The following GOLGA4 variants were observed in gnomAD, a reference collection of about 807,000 sequenced individuals.
GOLGA4 encodes golgin subfamily A member 4.
GOLGA4 carries 169 observed loss-of-function variants against 265.9 expected under a neutral mutation model. That is an observed-to-expected ratio of 0.64 (90% CI 0.56 to 0.72). The LOEUF (loss-of-function observed/expected upper bound fraction) is 0.72. GOLGA4 is among the 30% of genes least tolerant of loss of function. The pLI is 0.00. For synonymous variants in GOLGA4, 923 were observed against 855.8 expected (o/e 1.08, Z -1.37); for missense variants, 2,482 against 2,483.4 (o/e 1.00, Z 0.01).
chr3:37,336,049 T>G (rs2097010922), intron 17 of GOLGA4, among the ~76,000 whole-genome samples: 1 of 152,196 alleles, frequency 6.6e-6, no homozygotes, highest in African/African-American at 2.4e-5. Flanking sequence ...ACACCACCAG[T>G]TACATGGATG....
At position 37,299,171 on chromosome 3, in the gene GOLGA4, C is replaced by T. The variant is rs2096886444; in HGVS notation, c.1003-117C>T. The T allele has an allele frequency of 4.4e-6, 4 of 912,068 alleles. No individual in the cohort carries two copies. The South Asian group carries it at 6.5e-5, about 15-fold the overall frequency. The allele number at this position is 912,068 out of a possible 1,614,324, so 56.5% of individuals were successfully genotyped here. A position where few individuals can be genotyped will look rare whatever the true frequency, so the allele number is the denominator to read the frequency against. On this transcript the variant is annotated intron_variant, in intron 8 of 23. Coordinates refer to ENST00000361924, the MANE Select transcript of GOLGA4 (RefSeq NM_002078.5). The stretch of plus-strand genomic sequence containing the variant: ...ACATAACACCAAACCTTGAGACTTA[C>T]TGTGTACTTTTTTCCTTCTGCACTG...
intron 21 of GOLGA4, among the ~76,000 whole-genome samples, chr3:37,349,160 T>C (rs2097065738): frequency 1.3e-5 from 2 of 152,202 alleles, no homozygotes; most frequent in African/African-American, 4.8e-5. Context: ...GTATTTACTT[T>C]TAAGTTGCTG....
chr3:37,256,362 C>G (rs1346318800), intron 2 of GOLGA4, among the ~76,000 whole-genome samples: 2 of 151,910 alleles, frequency 1.3e-5, no homozygotes, highest in Admixed American at 1.3e-4. Context: ...CCCAGCTATT[C>G]AGGAGGCTAA....
intron 10 of GOLGA4, among the ~76,000 whole-genome samples, chr3:37,312,984 C>T (rs889782589): frequency 6.6e-6 from 1 of 152,216 alleles, no homozygotes; most frequent in African/African-American, 2.4e-5. Flanking sequence ...CGCGACGGAT[C>T]ACGAGGTCAG....
chr3:37,268,685 C>T (rs573986124), intron 2 of GOLGA4, among the ~76,000 whole-genome samples: 85 of 152,276 alleles, frequency 5.6e-4, no homozygotes, highest in African/African-American at 1.8e-3. Context: ...GATCCGCCCA[C>T]TTCAGCCTCC....
At chr3:37,349,038 C>T (rs2097065139) in intron 21 of GOLGA4, among the ~76,000 whole-genome samples, 1 of 152,134 alleles carries the variant, frequency 6.6e-6, no homozygotes, top group African/African-American at 2.4e-5. Flanking sequence ...AGGAGTAGTG[C>T]TCTCTCTCCT....
At chr3:37,251,913 C>A (rs2096735006) in intron 2 of GOLGA4, among the ~76,000 whole-genome samples, 1 of 152,140 alleles carries the variant, frequency 6.6e-6, no homozygotes, top group Admixed American at 6.6e-5. Flanking sequence ...AACTCCTGGG[C>A]TCAAGTGATT....
Position 37,258,102 on chromosome 3 carries a change from GTA to G in GOLGA4, c.162+6628_162+6629del, listed in dbSNP as rs544179876. 2.7e-4 allele frequency among the ~76,000 whole-genome samples: 35 copies of G among 131,176 alleles called. 2 individuals carry two copies. Among genetic ancestry groups the G allele is most frequent in the Middle Eastern group, 4.1e-3 (1 of 246 alleles). 86.1% of individuals were successfully genotyped at this position (131,176 alleles called of 152,430 possible). A position where few individuals can be genotyped will look rare whatever the true frequency, so the allele number is the denominator to read the frequency against. On this transcript the variant is annotated intron_variant, in intron 2 of 23. Coordinates refer to ENST00000361924, the MANE Select transcript of GOLGA4 (RefSeq NM_002078.5). ...ATATGTGTGTATATATATATGCTCT[GTA>G]TATATATATGTGTGTATATATATAT...
At chr3:37,304,983 A>G (rs1578600756) in intron 10 of GOLGA4, among the ~76,000 whole-genome samples, 3 of 152,200 alleles carry the variant, frequency 2.0e-5, no homozygotes, top group South Asian at 4.2e-4. Flanking sequence ...TTTGGGCACA[A>G]TCTCGGCTCA....
intron 2 of GOLGA4, chr3:37,276,518 G>T: frequency 1.9e-6 from 3 of 1,605,934 alleles, no homozygotes; most frequent in Non-Finnish European, 2.6e-6. Flanking sequence ...TTACACACAG[G>T]TACAAACCCG....
chr3:37,292,979 A>ACC (rs2096868857), intron 5 of GOLGA4, among the ~76,000 whole-genome samples: 1 of 152,256 alleles, frequency 6.6e-6, no homozygotes, highest in Admixed American at 6.5e-5. Context: ...TTATGAGTGT[A>ACC]CCAGATAGTG....
intron 20 of GOLGA4, among the ~76,000 whole-genome samples, chr3:37,344,482 A>AC (rs1414413657): frequency 4.3e-5 from 6 of 140,718 alleles, no homozygotes; most frequent in Non-Finnish European, 9.1e-5. Context: ...CTGCTCTAAT[A>AC]CCTCACTGTC....
Position 37,327,057 on chromosome 3 carries a change from C to T in GOLGA4, c.5171C>T (p.Ala1724Val), listed in dbSNP as rs1467134651. The T allele has an allele frequency of 6.2e-7, 1 of 1,613,790 alleles. No individual in the cohort carries two copies. The change falls in exon 14 of 24, where the codon GCA (alanine) becomes GTA (valine). Residue 1724 changes from alanine to valine, a missense_variant. Physicochemically the swap from Ala to Val is moderately conservative, Grantham distance 64 (BLOSUM62 0). This residue lies in a region of GOLGA4 where 942 missense variants were observed against 983.1 expected (regional missense o/e 0.96). Coordinates refer to ENST00000361924, the MANE Select transcript of GOLGA4 (RefSeq NM_002078.5). ...GCAGCATATACTGAACAAGAAGAAG[C>T]AGATTCCCAAGGCTGTGTGCAGAAG... ...NVAAYTEQEEADSQGCVQKTY... is the reference protein window; with the variant it reads ...NVAAYTEQEEVDSQGCVQKTY...
At chr3:37,276,395 G>A (rs1314166994) in intron 2 of GOLGA4, 1 of 1,607,824 alleles carries the variant, frequency 6.2e-7, no homozygotes, top group Non-Finnish European at 8.5e-7. Context: ...TGAGCTGAAA[G>A]AGATGTGGAA....
intron 2 of GOLGA4, chr3:37,275,609 G>T: frequency 6.7e-7 from 1 of 1,496,106 alleles, no homozygotes; most frequent in Non-Finnish European, 9.3e-7. Flanking sequence ...GCGCGCCGGG[G>T]GTCGCTCCTG....
intron 10 of GOLGA4, among the ~76,000 whole-genome samples, chr3:37,306,517 G>C (rs1029728868): frequency 1.3e-5 from 2 of 151,234 alleles, no homozygotes; most frequent in Non-Finnish European, 3.0e-5. Context: ...GTGTGTGTGT[G>C]TGTGTGTGTG....
intron 2 of GOLGA4, among the ~76,000 whole-genome samples, chr3:37,270,331 G>A (rs764929385): frequency 8.1e-5 from 12 of 148,038 alleles, no homozygotes; most frequent in South Asian, 2.2e-4. Context: ...TCAGCCTCCC[G>A]AGTAGCTGGG....
rs764960370 is a variant in GOLGA4, at chr3:37,289,238, A to G, written c.529A>G (p.Ile177Val). The G allele has an allele frequency of 6.3e-6, 10 of 1,579,620 alleles. No individual in the cohort carries two copies. The highest frequency in any genetic ancestry group is 8.7e-6 in the Non-Finnish European group (10 of 1,152,090). ...LQREKKKLQG[I>V]LSQSQDKSLR... ...TTTTTTTCTCTCTCAATTAAAGGGT[A>G]TATTAAGTCAGAGTCAGGATAAATC... is the stretch of plus-strand genomic sequence containing the variant. The change falls in exon 5 of 24, where the codon ATA becomes GTA. Residue 177 changes from isoleucine to valine, a missense_variant. This residue lies in a region of GOLGA4 where 1,536 missense variants were observed against 1,483.7 expected (regional missense o/e 1.04). Coordinates refer to ENST00000361924, the MANE Select transcript of GOLGA4 (RefSeq NM_002078.5).
intron 2 of GOLGA4, among the ~76,000 whole-genome samples, chr3:37,269,706 C>T (rs575122574): frequency 2.6e-5 from 4 of 152,148 alleles, no homozygotes; most frequent in Admixed American, 2.6e-4. Flanking sequence ...AATTTTACTT[C>T]TAAATATTCG....
Sources: allele counts gnomAD v4.1 joint callset (sites outside exome capture counted in the v4.1 genomes callset), GRCh38; gene constraint gnomAD v4.1.1; regional missense constraint gnomAD v4.1.1; transcripts MANE v1.5; gene names NCBI Gene and HGNC (gene_info 2026-07-23, HGNC 2026-07-21).